The following PCGF5 variants were observed in gnomAD, a reference collection of about 807,000 sequenced individuals.
The protein encoded by PCGF5 is polycomb group ring finger 5.
In PCGF5, 9 loss-of-function variants were observed where a neutral mutation model predicts 44.3. That is an observed-to-expected ratio of 0.20 (90% CI 0.12 to 0.35). PCGF5 has a LOEUF of 0.35. Among genes scored for constraint, PCGF5 ranks in the 10% least tolerant of loss-of-function variants. The pLI is 1.00. For missense variants in PCGF5, 146 were observed against 305.3 expected (o/e 0.48, Z 3.89); for synonymous variants, 95 against 102.5 (o/e 0.93, Z 0.44).
intron 1 of PCGF5, among the ~76,000 whole-genome samples, chr10:91,191,566 A>G (rs530145867): frequency 6.6e-6 from 1 of 152,218 alleles, no homozygotes; most frequent in South Asian, 2.1e-4. Context: ...ACTTTTTCCT[A>G]CTAACATGTA....
At chr10:91,168,143 C>G (rs12257734) in intron 1 of PCGF5, among the ~76,000 whole-genome samples, 2,565 of 152,184 alleles carry the variant, frequency 0.017, 84 homozygotes, top group African/African-American at 0.059. Flanking sequence ...ATTAAAAATA[C>G]AGAAAGATTT....
intron 6 of PCGF5, 114 bp downstream of exon 6, chr10:91,251,554 A>G (rs1845624449): frequency 1.0e-6 from 1 of 992,654 alleles, no homozygotes; most frequent in Admixed American, 2.4e-5. Flanking sequence ...TTTAATTAAC[A>G]TAATTAAATA....
intron 1 of PCGF5, among the ~76,000 whole-genome samples, chr10:91,165,193 G>T (rs1160514595): frequency 6.6e-6 from 1 of 152,072 alleles, no homozygotes; most frequent in Non-Finnish European, 1.5e-5. Flanking sequence ...TTAACCTACA[G>T]CACAACAAGG....
intron 2 of PCGF5, among the ~76,000 whole-genome samples, chr10:91,226,504 AG>A (rs1363359812): frequency 6.6e-6 from 1 of 152,106 alleles, no homozygotes; most frequent in African/African-American, 2.4e-5. Context: ...GGTGGGAGGC[AG>A]GGATTATTAG....
chr10:91,256,766 G>C (rs1310703087), intron 6 of PCGF5, among the ~76,000 whole-genome samples: 1 of 152,076 alleles, frequency 6.6e-6, no homozygotes, highest in Non-Finnish European at 1.5e-5. Context: ...GTGGAGGATA[G>C]AAGGCAATAG....
At chr10:91,183,764 T>C (rs1416946180) in intron 1 of PCGF5, among the ~76,000 whole-genome samples, 1 of 152,212 alleles carries the variant, frequency 6.6e-6, no homozygotes, top group Non-Finnish European at 1.5e-5. Context: ...GGTCTGGTGG[T>C]AATGAATTCC....
chr10:91,178,767 T>TA (rs5786944), intron 1 of PCGF5, among the ~76,000 whole-genome samples: 62,970 of 149,568 alleles, frequency 0.42, 13,162 homozygotes, highest in East Asian at 0.51. Flanking sequence ...TTAAAAATAG[T>TA]AAAAAAAAAA....
At chr10:91,157,325 C>T in the PCGF5 span, among the ~76,000 whole-genome samples, 1 of 152,168 alleles carries the variant, frequency 6.6e-6, no homozygotes, top group East Asian at 1.9e-4. Context: ...CTAGTTATTA[C>T]TATATATTTC....
intron 1 of PCGF5, among the ~76,000 whole-genome samples, chr10:91,187,117 T>C (rs1418772903): frequency 1.3e-5 from 2 of 152,196 alleles, no homozygotes; most frequent in African/African-American, 2.4e-5. Flanking sequence ...AGGCTAGTAG[T>C]TCTCAACCCT....
At chr10:91,189,065 C>T (rs17106376) in intron 1 of PCGF5, among the ~76,000 whole-genome samples, 10,414 of 152,228 alleles carry the variant, frequency 0.068, 968 homozygotes, top group African/African-American at 0.21. Flanking sequence ...TGCAGGAATA[C>T]AGGTGTGGAG....
chr10:91,171,578 C>A (rs771773515), intron 1 of PCGF5, among the ~76,000 whole-genome samples: 13 of 152,118 alleles, frequency 8.5e-5, no homozygotes, highest in Non-Finnish European at 1.6e-4. Context: ...CCATATGGGC[C>A]CTTGGTTGAG....
chr10:91,276,635 G>A (rs1230585633), intron 9 of PCGF5, among the ~76,000 whole-genome samples: 1 of 152,134 alleles, frequency 6.6e-6, no homozygotes, highest in African/African-American at 2.4e-5. Context: ...TTTTCAGCCG[G>A]AAACTGAGAA....
At chr10:91,199,580 A>G (rs1844209616) in intron 1 of PCGF5, among the ~76,000 whole-genome samples, 2 of 152,236 alleles carry the variant, frequency 1.3e-5, no homozygotes, top group Admixed American at 1.3e-4. Context: ...TCTGCTTCCC[A>G]GCATCTTCCA....
chr10:91,248,817 ATT>A, intron 5 of PCGF5, 93 bp downstream of exon 5: 3 of 1,066,606 alleles, frequency 2.8e-6, no homozygotes, highest in Non-Finnish European at 4.1e-6. Context: ...TCAGGCTCAC[ATT>A]TTTCCTGCAC....
chr10:91,265,677 T>C (rs1036954972), intron 8 of PCGF5, among the ~76,000 whole-genome samples: 7 of 152,156 alleles, frequency 4.6e-5, no homozygotes, highest in African/African-American at 1.7e-4. Context: ...AAAACAAGCC[T>C]CAAAAACTCA....
intron 3 of PCGF5, among the ~76,000 whole-genome samples, chr10:91,247,436 A>G (rs1370250669): frequency 6.6e-6 from 1 of 152,102 alleles, no homozygotes; most frequent in Non-Finnish European, 1.5e-5. Context: ...TTTTCCAGTT[A>G]GAAGGAAAGA....
chr10:91,241,669 TA>T (rs77659464), intron 3 of PCGF5, among the ~76,000 whole-genome samples: 599 of 138,954 alleles, frequency 4.3e-3, no homozygotes, highest in Non-Finnish European at 4.0e-3. Context: ...CTTTTGAACT[TA>T]AAAAAAAAAA....
chr10:91,224,075 A>G (rs1844752328), intron 2 of PCGF5, among the ~76,000 whole-genome samples: 1 of 152,188 alleles, frequency 6.6e-6, no homozygotes, highest in African/African-American at 2.4e-5. Flanking sequence ...TGAAATGGCA[A>G]ATTTTATGTT....
At chr10:91,248,361 A>G (rs954482341) in intron 3 of PCGF5, 144 bp from the exon 4 acceptor site, 8 of 753,980 alleles carry the variant, frequency 1.1e-5, no homozygotes, top group East Asian at 2.6e-5. Context: ...AGTGTGTTCC[A>G]TGGACAGAAG....
Sources: allele counts gnomAD v4.1 joint callset (sites outside exome capture counted in the v4.1 genomes callset), GRCh38; gene constraint gnomAD v4.1.1; transcripts MANE v1.5; gene names NCBI Gene and HGNC (gene_info 2026-07-23, HGNC 2026-07-21).